DMD: variants seen among roughly 807,000 people sequenced by gnomAD.
DMD encodes the protein mutant dystrophin.
In DMD, 63 loss-of-function variants were observed where a neutral mutation model predicts 330.1. The ratio of observed to expected loss-of-function variants is 0.19; its 90% CI spans 0.16 to 0.24. DMD has a LOEUF of 0.24. Ranked by LOEUF, DMD falls within the 10% of genes least tolerant of loss-of-function variation. The probability of loss-of-function intolerance (pLI) is 1.00; values close to 1 mark genes in which losing one functional copy is unlikely to be tolerated. For missense variants in DMD, 3,344 were observed against 2,684.1 expected, an observed-to-expected ratio of 1.25 and a Z score of -5.43; for synonymous variants, 1,223 against 959.8, an observed-to-expected ratio of 1.27 and a Z score of -5.07.
At chrX:33,074,710 T>C (rs1379820463) in intron 1 of DMD, among the ~76,000 whole-genome samples, 4 of 111,425 alleles carry the variant, frequency 3.6e-5, no homozygotes, top group Non-Finnish European at 7.5e-5. Flanking sequence ...CCCCAGGCCA[T>C]TGGGACCCTG....
chrX:32,580,228 G>C (rs550494035), intron 13 of DMD, among the ~76,000 whole-genome samples: 1 of 111,284 alleles, frequency 9.0e-6, no homozygotes. Flanking sequence ...TGAGCTCCTT[G>C]AGGTGGGCTC....
At chrX:31,485,250 A>C in intron 57 of DMD, among the ~76,000 whole-genome samples, 1 of 112,421 alleles carries the variant, frequency 8.9e-6, no homozygotes, top group East Asian at 2.8e-4. Context: ...TCTGGAGTGC[A>C]GTGGCACGAT....
chrX:32,305,791 C>A lies in DMD; in HGVS notation c.6117+4291G>T, dbSNP rs145334334. Among the ~76,000 whole-genome samples, 518 of 111,350 alleles carry A rather than the reference C, an allele frequency of 4.7e-3. 2 individuals are homozygous for A. The highest frequency in any genetic ancestry group is 0.015 in the African/African-American group (458 of 30,780). The stretch of plus-strand genomic sequence containing the variant: ...ACTCACAACTCCCATATCCTCATCT[C>A]TTTCTACCCTTCCACTGGCTTGTTT... On this transcript the variant is annotated intron_variant, in intron 42 of 78. Coordinates refer to ENST00000357033, the MANE Select transcript of DMD (RefSeq NM_004006.3).
chrX:32,210,807 C>T (rs2097090960), intron 44 of DMD, among the ~76,000 whole-genome samples: 1 of 111,434 alleles, frequency 9.0e-6, no homozygotes, highest in Non-Finnish European at 1.9e-5. Flanking sequence ...TAGATAAGGG[C>T]TTTCTGGGCT....
chrX:32,365,007 C>T lies in DMD; in HGVS notation c.5025+13G>A, dbSNP rs779484327. 1.7e-6 allele frequency: 2 copies of T among 1,208,876 alleles called. No homozygotes were observed. Among genetic ancestry groups the T allele is most frequent in the Non-Finnish European group, 2.2e-6 (2 of 893,316 alleles). On this transcript the variant is annotated intron_variant, in intron 35 of 78. Transcript: ENST00000357033. ...CAGAGAAGGGTGTAAAAGCTTCTAG[C>T]CTTTTCTCTTACCAACAAAAGATTT...
Position 31,822,401 on chromosome X carries a change from A to G in DMD, c.7201-2318T>C, listed in dbSNP as rs750862294. Among the ~76,000 whole-genome samples, 7 of 112,198 alleles carry G rather than the reference A, an allele frequency of 6.2e-5. No homozygotes were observed. In the South Asian group the frequency reaches 2.6e-3, roughly 42 times the overall value. ...GGCTATCTAGACTACAGTGTTTACA[A>G]GTAATGATACAGAGCTGCAAGAATG... On this transcript the variant is annotated intron_variant, in intron 49 of 78. Coordinates refer to ENST00000357033, the MANE Select transcript of DMD (RefSeq NM_004006.3).
chrX:33,046,703 G>T (rs1434473149), intron 1 of DMD, among the ~76,000 whole-genome samples: 1 of 111,869 alleles, frequency 8.9e-6, no homozygotes, highest in African/African-American at 3.2e-5. Flanking sequence ...ATAACTTTTA[G>T]ATTGAGTAAA....
At chrX:31,431,049 C>T (rs775592954) in intron 60 of DMD, among the ~76,000 whole-genome samples, 1 of 109,872 alleles carries the variant, frequency 9.1e-6, no homozygotes, top group African/African-American at 3.3e-5. Flanking sequence ...ATTCACCCGC[C>T]TCGGCCTCCC....
At chrX:33,283,376 T>C (rs774702073) in intron 1 of DMD, among the ~76,000 whole-genome samples, 8 of 110,672 alleles carry the variant, frequency 7.2e-5, no homozygotes, top group African/African-American at 2.6e-4. Context: ...CCGTCTCTAC[T>C]AAAAATACAA....
rs528167292 is a variant in DMD, at chrX:31,458,065, A to C, written c.8938-13438T>G. On this transcript the variant is annotated intron_variant, in intron 59 of 78. Transcript: ENST00000357033. The stretch of plus-strand genomic sequence containing the variant: ...AAAAAGCAGGATGTTCAACTACTTA[A>C]AGTCAAACGAAAGGAACAGAAAACG... 1.8e-5 allele frequency among the ~76,000 whole-genome samples: 2 copies of C among 111,959 alleles called. 1 individual carries two copies. The highest frequency in any genetic ancestry group is 1.9e-4 in the Admixed American group (2 of 10,460).
intron 44 of DMD, among the ~76,000 whole-genome samples, chrX:32,202,447 G>A (rs772030074): frequency 9.0e-6 from 1 of 111,688 alleles, no homozygotes; most frequent in East Asian, 2.8e-4. Context: ...CGCCTCTCGG[G>A]TTCAAGCGAT....
intron 55 of DMD, among the ~76,000 whole-genome samples, chrX:31,615,639 C>A (rs1165085322): frequency 2.7e-5 from 3 of 111,837 alleles, no homozygotes; most frequent in Non-Finnish European, 5.6e-5. Context: ...CAAAACGAGT[C>A]AATATGAACG....
At position 32,410,835 on chromosome X, in the gene DMD, A is replaced by T. The variant is rs1422638191; in HGVS notation, c.4233+917T>A. Reference sequence around the variant, plus strand: ...TGAATGTAAATTTAGTTATGGCCTAAAATTTACTCATTTAAAAGTCAACTC... The same window carrying T: ...TGAATGTAAATTTAGTTATGGCCTATAATTTACTCATTTAAAAGTCAACTC... On this transcript the variant is annotated intron_variant, in intron 30 of 78. Transcript: ENST00000357033. 2.7e-5 allele frequency among the ~76,000 whole-genome samples: 3 copies of T among 112,368 alleles called. No individual in the cohort carries two copies. In the Admixed American group the frequency reaches 2.8e-4, roughly 11 times the overall value.
In DMD at chrX:31,952,278, A is replaced by G. The variant is rs766276801; in HGVS notation, c.6614+16061T>C. Among the ~76,000 whole-genome samples the G allele has an allele frequency of 4.5e-5, 5 of 111,175 alleles. No homozygotes were observed. The East Asian group carries it at 1.4e-3, about 31-fold the overall frequency. On this transcript the variant is annotated intron_variant, in intron 45 of 78. Transcript: ENST00000357033. ...TGTTTGGCCATTATTTCTTCAAATA[A>G]TTTTTCTGCCTCTTTAACAACATTC...
intron 44 of DMD, among the ~76,000 whole-genome samples, chrX:32,035,847 AC>A (rs1323014427): frequency 9.0e-6 from 1 of 111,578 alleles, no homozygotes. Context: ...AACGAAAAAA[AC>A]AACAGGGAAC....
intron 7 of DMD, among the ~76,000 whole-genome samples, chrX:32,732,783 A>T (rs1037796079): frequency 1.8e-5 from 2 of 110,400 alleles, no homozygotes; most frequent in African/African-American, 3.3e-5. Context: ...GGAAAGGAAC[A>T]ACCGGTACCA....
intron 55 of DMD, among the ~76,000 whole-genome samples, chrX:31,568,871 A>G (rs934555888): frequency 9.0e-6 from 1 of 110,763 alleles, no homozygotes; most frequent in African/African-American, 3.3e-5. Context: ...TTATTTGAAC[A>G]TTTCTTAAGA....
chrX:32,082,771 G>A (rs1382114970), intron 44 of DMD, among the ~76,000 whole-genome samples: 1 of 111,632 alleles, frequency 9.0e-6, no homozygotes, highest in Non-Finnish European at 1.9e-5. Flanking sequence ...TTATTCAAAA[G>A]TCCTATGTAA....
At chrX:32,067,755 G>A (rs755625235) in intron 44 of DMD, among the ~76,000 whole-genome samples, 1 of 111,854 alleles carries the variant, frequency 8.9e-6, no homozygotes, top group African/African-American at 3.2e-5. Flanking sequence ...CCAATCCAAC[G>A]TTGACGGACA....
Sources: allele counts gnomAD v4.1 joint callset (sites outside exome capture counted in the v4.1 genomes callset), GRCh38; gene constraint gnomAD v4.1.1; transcripts MANE v1.5; gene names NCBI Gene and HGNC (gene_info 2026-07-23, HGNC 2026-07-21).